Variants in KALRN observed in about 807,000 individuals in gnomAD.
KALRN encodes the protein kalirin.
Under a neutral mutation model 353.7 loss-of-function variants are expected in KALRN, and 70 were observed. The ratio of observed to expected loss-of-function variants is 0.20; its 90% CI spans 0.16 to 0.24. The LOEUF (loss-of-function observed/expected upper bound fraction) is 0.24. Among genes scored for constraint, KALRN ranks in the 10% least tolerant of loss-of-function variants. The pLI, the probability that KALRN is intolerant of heterozygous loss-of-function variation, is 1.00. For synonymous variants in KALRN, 1,391 were observed against 1,434.8 expected (o/e 0.97, Z 0.69); for missense variants, 2,791 against 3,756.7 (o/e 0.74, Z 6.72).
At chr3:124,671,112 G>T (rs1205834575) in intron 47 of KALRN, among the ~76,000 whole-genome samples, 2 of 152,108 alleles carry the variant, frequency 1.3e-5, no homozygotes, top group Admixed American at 6.5e-5. Context: ...CCACTACAAG[G>T]TCAGTGTTCC....
intron 33 of KALRN, among the ~76,000 whole-genome samples, chr3:124,523,336 A>G (rs957787879): frequency 6.6e-6 from 1 of 152,204 alleles, no homozygotes; most frequent in Non-Finnish European, 1.5e-5. Context: ...CTGCAAGTAG[A>G]TTATTCATAT....
rs770475407 is a variant in KALRN at position 124,674,471 on chromosome 3, C to T, written c.7050C>T (p.Val2350=). 3 of 1,613,988 alleles carry T rather than the reference C, an allele frequency of 1.9e-6. No individual in the cohort carries two copies. The highest frequency in any genetic ancestry group is 1.1e-5 in the South Asian group (1 of 91,052). ...ICVSQGEVVQ[V]LAVNQQNMCL... ...TGAGCCAAGGTGAGGTGGTCCAGGT[C>T]CTCGCCGTCAACCAGCAGAACATGT... is the stretch of plus-strand genomic sequence containing the variant. The change falls in exon 49 of 60, where the codon GTC becomes GTT. Residue 2350 remains valine, a synonymous_variant. Transcript: ENST00000682506.
intron 1 of KALRN, among the ~76,000 whole-genome samples, chr3:124,136,982 A>G (rs1376037874): frequency 1.3e-5 from 2 of 152,148 alleles, no homozygotes; most frequent in Admixed American, 6.5e-5. Context: ...AACAGGGTTG[A>G]TGGGGCAGAG....
intron 1 of KALRN, among the ~76,000 whole-genome samples, chr3:124,227,663 GTTT>G (rs747087120): frequency 3.6e-4 from 25 of 69,254 alleles, no homozygotes; most frequent in South Asian, 1.3e-3. Context: ...CAACAGGGCT[GTTT>G]TTTTTTTTTT....
chr3:124,499,483 TATGA>T (rs1291263102), intron 33 of KALRN, among the ~76,000 whole-genome samples: 2 of 152,352 alleles, frequency 1.3e-5, no homozygotes, highest in East Asian at 3.9e-4. Context: ...GTTTAGATAC[TATGA>T]ATAAGACTGC....
At chr3:124,373,484 A>G (rs1347833307) in intron 10 of KALRN, among the ~76,000 whole-genome samples, 2 of 152,250 alleles carry the variant, frequency 1.3e-5, no homozygotes, top group African/African-American at 4.8e-5. Context: ...TTAAAACAGC[A>G]GAAATTTATC....
intron 25 of KALRN, among the ~76,000 whole-genome samples, chr3:124,468,742 C>G (rs1439899907): frequency 3.9e-5 from 6 of 152,204 alleles, no homozygotes; most frequent in Non-Finnish European, 8.8e-5. Context: ...CTGTCATTTT[C>G]TTAATAGTCA....
At chr3:124,243,095 T>C (rs1028844512) in intron 3 of KALRN, among the ~76,000 whole-genome samples, 5 of 152,228 alleles carry the variant, frequency 3.3e-5, no homozygotes, top group African/African-American at 1.2e-4. Context: ...CCGAGATGTT[T>C]CCTTCACCCA....
At chr3:124,628,421 C>T (rs74628316) in intron 34 of KALRN, among the ~76,000 whole-genome samples, 20,395 of 77,102 alleles carry the variant, frequency 0.26, 5,133 homozygotes, top group African/African-American at 0.51. Context: ...CCTTCACTCC[C>T]TCCTTCCTTC....
intron 37 of KALRN, among the ~76,000 whole-genome samples, chr3:124,638,115 C>T (rs1437330632): frequency 1.3e-5 from 2 of 152,266 alleles, no homozygotes; most frequent in Non-Finnish European, 2.9e-5. Flanking sequence ...CTGCAATTCT[C>T]ATTAGGATAA....
At chr3:124,263,075 T>C (rs1277546017) in intron 3 of KALRN, among the ~76,000 whole-genome samples, 1 of 152,246 alleles carries the variant, frequency 6.6e-6, no homozygotes, top group African/African-American at 2.4e-5. Context: ...ATAACTATTC[T>C]GACCTTCGTT....
At chr3:124,682,192 G>T (rs1422214689) in intron 51 of KALRN, among the ~76,000 whole-genome samples, 1 of 152,142 alleles carries the variant, frequency 6.6e-6, no homozygotes, top group African/African-American at 2.4e-5. Flanking sequence ...ATACCTTAAA[G>T]ATCCAAATTG....
At chr3:124,122,114 T>C (rs2064095288) in intron 1 of KALRN, among the ~76,000 whole-genome samples, 1 of 152,174 alleles carries the variant, frequency 6.6e-6, no homozygotes, top group Non-Finnish European at 1.5e-5. Context: ...GTGGTTGTGA[T>C]GGAAATTCTG....
chr3:124,633,997 G>A (rs763168256), intron 36 of KALRN, 44 bp downstream of exon 36: 6 of 1,512,110 alleles, frequency 4.0e-6, no homozygotes, highest in Non-Finnish European at 5.5e-6. Context: ...AACGTGCCGT[G>A]CGTGATTTTG....
chr3:124,120,218 G>A (rs1021551444), intron 1 of KALRN, among the ~76,000 whole-genome samples: 1 of 152,186 alleles, frequency 6.6e-6, no homozygotes, highest in Non-Finnish European at 1.5e-5. Flanking sequence ...CAGGGCAGGT[G>A]GCTCTGACTC....
chr3:124,585,707 A>G (rs2075106767), intron 34 of KALRN, among the ~76,000 whole-genome samples: 1 of 152,162 alleles, frequency 6.6e-6, no homozygotes, highest in African/African-American at 2.4e-5. Context: ...TGTTCATGTC[A>G]CTTTAACACA....
rs1559750002 is a variant in KALRN, at chr3:124,642,810, T to TTTTTTTGTTGTTG, written c.5664+5513_5664+5514insGTTGTTGTTTTTT. Among the ~76,000 whole-genome samples, 18 of 137,850 alleles carry TTTTTTTGTTGTTG rather than the reference T, an allele frequency of 1.3e-4. 1 individual carries two copies. The highest frequency in any genetic ancestry group is 2.4e-4 in the South Asian group (1 of 4,180). 90.4% of individuals were successfully genotyped at this position (137,850 alleles called of 152,430 possible). ...TGGAAGAGATTCCCAAGCCTCGTTT[T>TTTTTTTGTTGTTG]TTTTTTTTTTTTTTTTGAGACGGAG... On this transcript the variant is annotated intron_variant, in intron 37 of 59. Coordinates refer to ENST00000682506, the MANE Select transcript of KALRN (RefSeq NM_001388419.1).
chr3:124,152,766 G>T, intron 1 of KALRN: 1 of 350,796 alleles, frequency 2.9e-6, no homozygotes. Context: ...GCTAATTTTT[G>T]TAGTTTTTGT....
intron 33 of KALRN, among the ~76,000 whole-genome samples, chr3:124,511,565 A>G (rs1457584667): frequency 3.3e-5 from 5 of 152,190 alleles, no homozygotes; most frequent in Admixed American, 6.5e-5. Flanking sequence ...CTAGAAGAAG[A>G]GCATGGCTCC....
Sources: gnomAD v4.1 joint callset for allele counts (sites outside exome capture counted in the v4.1 genomes callset) on GRCh38, gnomAD v4.1.1 for gene constraint, MANE v1.5 for transcripts, NCBI Gene and HGNC (gene_info 2026-07-23, HGNC 2026-07-21) for gene names.